FRY: variants seen among roughly 807,000 people sequenced by gnomAD.
FRY encodes the protein FRY microtubule binding protein.
In FRY, 128 loss-of-function variants were observed where a neutral mutation model predicts 348.4. The observed-to-expected ratio is 0.37, with a 90% CI of 0.32 to 0.43. FRY has a LOEUF of 0.43. Among genes scored for constraint, FRY ranks in the 20% least tolerant of loss-of-function variants. The pLI is 1.00. For missense variants in FRY, 2,736 were observed against 3,695.2 expected (o/e 0.74, Z 6.73); for synonymous variants, 1,370 against 1,374.7 (o/e 1.00, Z 0.08).
At chr13:32,185,221 C>T (rs143062319) in intron 26 of FRY, 73 bp downstream of exon 26, 13,952 of 1,340,322 alleles carry the variant, frequency 0.01, 101 homozygotes, top group Non-Finnish European at 0.012. Context: ...ACGGTGCTTT[C>T]GTCTTTAACC....
In FRY at chr13:32,186,233, A is replaced by G. The variant is rs775796304; in HGVS notation, c.3320-27A>G. The G allele has an allele frequency of 2.5e-6, 4 of 1,576,140 alleles. No individual in the cohort carries two copies. In the East Asian group the frequency reaches 8.9e-5, roughly 35 times the overall value. On this transcript the variant is annotated intron_variant, in intron 26 of 60. Coordinates refer to ENST00000542859, the MANE Select transcript of FRY (RefSeq NM_023037.3). ...CGATATACAGTATGTCCAGTCTTAT[A>G]ACCTCTAAGTGTGTTTTTCTCCCTA...
chr13:32,208,404 A>G (rs1004041357), intron 31 of FRY, among the ~76,000 whole-genome samples: 4 of 152,272 alleles, frequency 2.6e-5, no homozygotes, highest in Non-Finnish European at 4.4e-5. Flanking sequence ...TAGTCATTAC[A>G]GTAGCCTGAT....
intron 11 of FRY, among the ~76,000 whole-genome samples, chr13:32,142,366 A>G (rs927746314): frequency 6.6e-6 from 1 of 152,252 alleles, no homozygotes; most frequent in Non-Finnish European, 1.5e-5. Flanking sequence ...TGTGAAAATT[A>G]AAATGAGTTA....
At chr13:32,136,056 T>C (rs1879695527) in intron 10 of FRY, among the ~76,000 whole-genome samples, 1 of 150,592 alleles carries the variant, frequency 6.6e-6, no homozygotes, top group African/African-American at 2.5e-5. Context: ...AAACGACTAA[T>C]GAACTGTTAA....
intron 14 of FRY, among the ~76,000 whole-genome samples, chr13:32,154,864 C>G (rs1881014977): frequency 6.6e-6 from 1 of 152,166 alleles, no homozygotes. Flanking sequence ...AGCCATCTTT[C>G]AGGGCCAAAG....
chr13:32,187,671 A>T lies in FRY; in HGVS notation c.3591+15A>T. The T allele has an allele frequency of 7.3e-7, 1 of 1,364,260 alleles. No homozygotes were observed. Among genetic ancestry groups the T allele is most frequent in the Non-Finnish European group, 1.1e-6 (1 of 951,922 alleles). The allele number at this position is 1,364,260 out of a possible 1,614,324, so 84.5% of individuals were successfully genotyped here. ...AAGATTTACGAGTAAGTATAGGCAA[A>T]AATACATTGTTTTTGAATGTCTTCT... On this transcript the variant is annotated intron_variant, in intron 28 of 60. Coordinates refer to ENST00000542859, the MANE Select transcript of FRY (RefSeq NM_023037.3).
In FRY at chr13:32,289,969, C is replaced by T. The variant is rs75054118; in HGVS notation, c.8580+226C>T. On this transcript the variant is annotated intron_variant, in intron 59 of 60. Coordinates refer to ENST00000542859, the MANE Select transcript of FRY (RefSeq NM_023037.3). ...AGTGAGGTGCCTCAAAATTTAAGAA[C>T]GCGTGTAGGAAGGAACCTTCTGTGG... Among the ~76,000 whole-genome samples, 59 of 152,216 alleles carry T rather than the reference C, an allele frequency of 3.9e-4. No homozygotes were observed. In the East Asian group the frequency reaches 7.5e-3, roughly 19 times the overall value.
chr13:32,262,981 C>T (rs1188414179), intron 53 of FRY, among the ~76,000 whole-genome samples: 4 of 152,202 alleles, frequency 2.6e-5, no homozygotes, highest in Non-Finnish European at 5.9e-5. Context: ...CAGATTCGCA[C>T]AAAACTCTTC....
Position 32,239,048 on chromosome 13 carries a change from G to A in FRY, c.6419-204G>A, listed in dbSNP as rs200503435. On this transcript the variant is annotated intron_variant, in intron 44 of 60. Transcript: ENST00000542859. The surrounding 1 kb of genome is among the most constrained non-coding windows in gnomAD (Gnocchi z 4.3). Reference sequence around the variant, plus strand: ...AAGATAATCACTGCATCTTAAAATCGCAGATCTACTTTACTGTCTTCTTTG... The same window carrying A: ...AAGATAATCACTGCATCTTAAAATCACAGATCTACTTTACTGTCTTCTTTG... Among the ~76,000 whole-genome samples the A allele has an allele frequency of 3.3e-5, 5 of 152,196 alleles. No individual in the cohort carries two copies. Among genetic ancestry groups the A allele is most frequent in the East Asian group, 3.9e-4 (2 of 5,182 alleles).
At chr13:32,056,109 G>A (rs1350464782) in intron 1 of FRY, among the ~76,000 whole-genome samples, 1 of 151,528 alleles carries the variant, frequency 6.6e-6, no homozygotes, top group Non-Finnish European at 1.5e-5. Flanking sequence ...GAGAATCACT[G>A]GAACCCGGGA....
In FRY at chr13:32,175,415, C is replaced by T. The variant is rs1882305911; in HGVS notation, c.2335-131C>T. 2 of 716,780 alleles carry T rather than the reference C, an allele frequency of 2.8e-6. 1 individual carries two copies. 44.4% of individuals were successfully genotyped at this position (716,780 alleles called of 1,614,324 possible). On this transcript the variant is annotated intron_variant, in intron 19 of 60. Transcript: ENST00000542859. ...CTCACTGCCTTCCACCCTCTGGGCA[C>T]TCACTTTTCTGTGAGAAAACCCTTA...
intron 42 of FRY, among the ~76,000 whole-genome samples, chr13:32,235,054 G>A (rs940961282): frequency 1.3e-5 from 2 of 152,106 alleles, no homozygotes; most frequent in African/African-American, 2.4e-5. Context: ...AGGCGGCCAG[G>A]GGATTATTTT....
intron 55 of FRY, among the ~76,000 whole-genome samples, chr13:32,274,054 G>A (rs1240275763): frequency 6.6e-6 from 1 of 152,128 alleles, no homozygotes; most frequent in Non-Finnish European, 1.5e-5. Context: ...TTTCAGATAA[G>A]GGATACTCAA....
Position 32,239,168 on chromosome 13 carries a change from T to C in FRY, c.6419-84T>C, listed in dbSNP as rs571877838. 79 of 884,832 alleles carry C rather than the reference T, an allele frequency of 8.9e-5. 2 individuals carry two copies. In the South Asian group the frequency reaches 9.8e-4, roughly 11 times the overall value. The allele number at this position is 884,832 out of a possible 1,614,324, so 54.8% of individuals were successfully genotyped here. On this transcript the variant is annotated intron_variant, in intron 44 of 60. Transcript: ENST00000542859. The surrounding 1 kb of genome is among the most constrained non-coding windows in gnomAD (Gnocchi z 4.3). Reference sequence around the variant, plus strand: ...AAACTGCTTTTGCATCACCTCAGTATAAAAATCTGTAACATGCCTTCCCAC... The same window carrying C: ...AAACTGCTTTTGCATCACCTCAGTACAAAAATCTGTAACATGCCTTCCCAC...
chr13:32,263,423 C>T (rs1887769787), intron 53 of FRY, among the ~76,000 whole-genome samples: 1 of 151,928 alleles, frequency 6.6e-6, no homozygotes, highest in Admixed American at 6.6e-5. Context: ...TTACAATTAC[C>T]TAAAAATATT....
rs935473912 is a variant in FRY at position 32,131,586 on chromosome 13, G to A, written c.717-86G>A. 21 of 885,590 alleles carry A rather than the reference G, an allele frequency of 2.4e-5. No individual in the cohort carries two copies. In the African/African-American group the frequency reaches 3.1e-4, roughly 13 times the overall value. 54.9% of individuals were successfully genotyped at this position (885,590 alleles called of 1,614,324 possible). On this transcript the variant is annotated intron_variant, in intron 7 of 60. Coordinates refer to ENST00000542859, the MANE Select transcript of FRY (RefSeq NM_023037.3). ...CTGATTTAAAGGATTCCATTGCTCT[G>A]CTCAATCACTCCCAGATGCTGGAGG...
At chr13:32,167,642 A>G (rs1394345843) in intron 17 of FRY, among the ~76,000 whole-genome samples, 1 of 152,222 alleles carries the variant, frequency 6.6e-6, no homozygotes, top group East Asian at 1.9e-4. Flanking sequence ...TGGGAGACAC[A>G]AAATTATGAA....
chr13:32,064,694 G>C (rs981033613), intron 1 of FRY, among the ~76,000 whole-genome samples: 1 of 152,156 alleles, frequency 6.6e-6, no homozygotes, highest in African/African-American at 2.4e-5. Flanking sequence ...ACCTTTGGCT[G>C]TTCAACCTAG....
At chr13:32,167,598 T>A (rs1316762300) in intron 17 of FRY, among the ~76,000 whole-genome samples, 1 of 152,192 alleles carries the variant, frequency 6.6e-6, no homozygotes, top group African/African-American at 2.4e-5. Flanking sequence ...CATTCTGAGG[T>A]ACTGGGAGTT....
Sources: allele counts gnomAD v4.1 joint callset (sites outside exome capture counted in the v4.1 genomes callset), GRCh38; gene constraint gnomAD v4.1.1; non-coding constraint Gnocchi (gnomAD v3.1); transcripts MANE v1.5; gene names NCBI Gene and HGNC (gene_info 2026-07-23, HGNC 2026-07-21).